The following KIAA0513 variants were observed in gnomAD, a reference collection of about 807,000 sequenced individuals.
The protein encoded by KIAA0513 is KIAA0513.
In KIAA0513, 39 loss-of-function variants were observed where a neutral mutation model predicts 56.5. The observed-to-expected ratio is 0.69, with a 90% CI of 0.53 to 0.90. The LOEUF is 0.90. Ranked by LOEUF, KIAA0513 falls within the 40% of genes least tolerant of loss-of-function variation. KIAA0513 has a pLI of 0.00. For missense variants in KIAA0513, 591 were observed against 535.2 expected, an observed-to-expected ratio of 1.10 and a Z score of -1.03; for synonymous variants, 268 against 215.6, an observed-to-expected ratio of 1.24 and a Z score of -2.13.
chr16:85,072,379 TA>T (rs1196189746), intron 3 of KIAA0513, among the ~76,000 whole-genome samples: 2 of 151,680 alleles, frequency 1.3e-5, no homozygotes, highest in African/African-American at 4.8e-5. Context: ...CAGTGTTTTG[TA>T]AAAAACAAAA....
At chr16:85,067,610 C>G (rs2073507007) in intron 2 of KIAA0513, among the ~76,000 whole-genome samples, 1 of 152,140 alleles carries the variant, frequency 6.6e-6, no homozygotes, top group Admixed American at 6.5e-5. Context: ...ATACCTGAGC[C>G]TGGACTTCAC....
chr16:85,088,208 C>A, intron 12 of KIAA0513, 68 bp from the exon 13 acceptor site: 1 of 1,464,300 alleles, frequency 6.8e-7, no homozygotes, highest in Non-Finnish European at 9.5e-7. Flanking sequence ...GTCCGAGTGA[C>A]AAGAGCAGGA....
At chr16:85,027,934 C>G (rs1359786190) in intron 1 of KIAA0513, 76 bp downstream of exon 1, 1 of 135,532 alleles carries the variant, frequency 7.4e-6, no homozygotes, top group Non-Finnish European at 1.6e-5. Context: ...GGCGGGGACC[C>G]GGGATGGGGG....
intron 2 of KIAA0513, among the ~76,000 whole-genome samples, chr16:85,070,060 AC>A (rs2073549354): frequency 1.3e-5 from 2 of 151,520 alleles, no homozygotes; most frequent in African/African-American, 4.8e-5. Flanking sequence ...AGTCCCAGCT[AC>A]TCAGGAGGCT....
chr16:85,067,149 A>T lies in KIAA0513; in HGVS notation c.78A>T (p.Ala26=). 6.2e-7 allele frequency: 1 copy of T among 1,613,990 alleles called. No individual in the cohort carries two copies. The highest frequency in any genetic ancestry group is 8.5e-7 in the Non-Finnish European group (1 of 1,179,956). The change falls in exon 2 of 13, where the codon GCA becomes GCT. Residue 26 remains alanine (A), a synonymous_variant. Transcript: ENST00000683363. ...PEAPTSSPLE[A]PPPVLQDGDG... Reference sequence around the variant, plus strand: ...CACCCACCTCTTCTCCCCTGGAGGCACCACCCCCTGTGCTGCAGGACGGCG... The same window carrying T: ...CACCCACCTCTTCTCCCCTGGAGGCTCCACCCCCTGTGCTGCAGGACGGCG...
In KIAA0513 at chr16:85,085,315, TC is replaced by T. The variant is rs1408758264; in HGVS notation, c.1011-1327del. 1.6e-4 allele frequency among the ~76,000 whole-genome samples: 24 copies of T among 152,334 alleles called. No homozygotes were observed. The East Asian group carries it at 4.6e-3, about 29-fold the overall frequency. The stretch of plus-strand genomic sequence containing the variant: ...AGTCACCCCCATCATGCCCCTGATG[TC>T]CTGTGACCCCTGCTAAGCTGCAGCA... On this transcript the variant is annotated intron_variant, in intron 10 of 12. Transcript: ENST00000683363.
intron 1 of KIAA0513, among the ~76,000 whole-genome samples, chr16:85,049,116 C>T (rs957301430): frequency 1.3e-5 from 2 of 152,252 alleles, no homozygotes; most frequent in Non-Finnish European, 2.9e-5. Flanking sequence ...ACTGCGTGGG[C>T]AGCTACAAGC....
At chr16:85,061,487 G>C (rs912938306) in intron 1 of KIAA0513, among the ~76,000 whole-genome samples, 2 of 152,338 alleles carry the variant, frequency 1.3e-5, no homozygotes, top group African/African-American at 4.8e-5. Flanking sequence ...CGTGTGATGT[G>C]TGTGTGTTGT....
intron 1 of KIAA0513, among the ~76,000 whole-genome samples, chr16:85,045,000 C>A (rs988689200): frequency 2.6e-5 from 4 of 152,082 alleles, no homozygotes; most frequent in Admixed American, 2.0e-4. Context: ...CACCTGTAGT[C>A]CCAGCTACTT....
intron 1 of KIAA0513, among the ~76,000 whole-genome samples, chr16:85,032,638 C>G (rs1251074524): frequency 6.6e-6 from 1 of 151,932 alleles, no homozygotes. Context: ...CCACAAAGAC[C>G]CTTTTTTTTT....
At chr16:85,075,478 G>A (rs1256100648) in intron 4 of KIAA0513, among the ~76,000 whole-genome samples, 1 of 152,176 alleles carries the variant, frequency 6.6e-6, no homozygotes, top group African/African-American at 2.4e-5. Flanking sequence ...GCTAGTTCCC[G>A]AGAAATCAAG....
chr16:85,071,961 C>A, intron 3 of KIAA0513, 79 bp downstream of exon 3: 2 of 930,942 alleles, frequency 2.1e-6, no homozygotes, highest in Non-Finnish European at 3.4e-6. Context: ...TTGACTTTAT[C>A]CTACAATGAC....
chr16:85,061,277 C>T (rs1443158249), intron 1 of KIAA0513, among the ~76,000 whole-genome samples: 4 of 152,166 alleles, frequency 2.6e-5, no homozygotes, highest in Admixed American at 1.3e-4. Flanking sequence ...ATGCGCACAC[C>T]CTTTGGCCAG....
Position 85,093,263 on chromosome 16 carries a change from G to C in KIAA0513, c.*4938G>C, listed in dbSNP as rs760354769. 1 of 151,964 alleles carries C rather than the reference G, an allele frequency of 6.6e-6. No individual in the cohort carries two copies. The highest frequency in any genetic ancestry group is 1.5e-5 in the Non-Finnish European group (1 of 67,992). 9.4% of individuals were successfully genotyped at this position (151,964 alleles called of 1,614,324 possible). Reference sequence around the variant, plus strand: ...CAGCGCTCCCACAGGGGCTGGGGGTGGGGGTGGGGTTTCTTAGTTACTGTT... The same window carrying C: ...CAGCGCTCCCACAGGGGCTGGGGGTCGGGGTGGGGTTTCTTAGTTACTGTT... On this transcript the variant is annotated 3_prime_UTR_variant, in exon 13 of 13. Coordinates refer to ENST00000683363, the MANE Select transcript of KIAA0513 (RefSeq NM_001388359.1).
intron 8 of KIAA0513, among the ~76,000 whole-genome samples, chr16:85,080,405 C>T (rs898541258): frequency 1.3e-5 from 2 of 152,154 alleles, no homozygotes; most frequent in East Asian, 1.9e-4. Context: ...AATGGATGAG[C>T]GTGGCTTGTT....
chr16:85,077,639 G>T lies in KIAA0513; in HGVS notation c.782+7G>T. 1 of 1,598,894 alleles carries T rather than the reference G, an allele frequency of 6.3e-7. No homozygotes were observed. Among genetic ancestry groups the T allele is most frequent in the Non-Finnish European group, 8.5e-7 (1 of 1,170,812 alleles). On this transcript the variant is annotated splice_region_variant and intron_variant, in intron 6 of 12. Coordinates refer to ENST00000683363, the MANE Select transcript of KIAA0513 (RefSeq NM_001388359.1). ...CCCTGGCCAGGAGGAACGAGTACGT[G>T]TGGCCTTGGGGTCCCTCCCACCTGC... is the stretch of plus-strand genomic sequence containing the variant.
chr16:85,028,939 G>T (rs1395460153), intron 1 of KIAA0513, among the ~76,000 whole-genome samples: 2 of 152,184 alleles, frequency 1.3e-5, no homozygotes, highest in Non-Finnish European at 2.9e-5. Context: ...CATTTCCTTA[G>T]AGGCATCCTC....
At chr16:85,070,814 G>A (rs754411723) in intron 2 of KIAA0513, among the ~76,000 whole-genome samples, 1 of 152,208 alleles carries the variant, frequency 6.6e-6, no homozygotes, top group Non-Finnish European at 1.5e-5. Context: ...GCTGGTTAAC[G>A]AAAGGGGAAA....
chr16:85,048,971 G>A (rs1230491453), intron 1 of KIAA0513, among the ~76,000 whole-genome samples: 2 of 152,224 alleles, frequency 1.3e-5, no homozygotes, highest in African/African-American at 2.4e-5. Flanking sequence ...GGTGCAGTGT[G>A]TGTGTGAGAG....
Sources: allele counts gnomAD v4.1 joint callset (sites outside exome capture counted in the v4.1 genomes callset), GRCh38; gene constraint gnomAD v4.1.1; transcripts MANE v1.5; gene names NCBI Gene and HGNC (gene_info 2026-07-23, HGNC 2026-07-21).